Variants in CYP2B6 observed in about 807,000 individuals in gnomAD.
CYP2B6 encodes cytochrome P450 family 2 subfamily B member 6, also known as cytochrome P450 2B6.
CYP2B6 carries 35 observed loss-of-function variants against 43.4 expected under a neutral mutation model. The ratio of observed to expected loss-of-function variants is 0.81; its 90% confidence interval spans 0.62 to 1.07. The LOEUF is 1.07. Ranked by LOEUF, CYP2B6 falls within the 50% of genes least tolerant of loss-of-function variation. CYP2B6 has a pLI of 0.00. For synonymous variants in CYP2B6, 239 were observed against 239.2 expected (o/e 1.00, Z 0.01); for missense variants, 624 against 632.8 (o/e 0.99, Z 0.15).
chr19:41,000,615 A>T (rs1969068974), intron 1 of CYP2B6, among the ~76,000 whole-genome samples: 1 of 152,260 alleles, frequency 6.6e-6, no homozygotes, highest in East Asian at 1.9e-4. Context: ...TCACGCAATC[A>T]TGTGAATCAA....
At chr19:41,012,034 C>T (rs1463305351) in intron 6 of CYP2B6, among the ~76,000 whole-genome samples, 1 of 152,072 alleles carries the variant, frequency 6.6e-6, no homozygotes, top group African/African-American at 2.4e-5. Context: ...CTGCAACCTC[C>T]ACCTCCTGGG....
At chr19:41,011,041 T>C (rs34830389) in intron 6 of CYP2B6, among the ~76,000 whole-genome samples, 1 of 151,852 alleles carries the variant, frequency 6.6e-6, no homozygotes, top group African/African-American at 2.4e-5. Context: ...ATTCATTTAT[T>C]TGGATTACTT....
chr19:40,991,351 T>C lies in CYP2B6; in HGVS notation c.46T>C (p.Leu16=), dbSNP rs34477445. Residue 16 remains leucine (L), a synonymous_variant, in exon 1 of 9, where the codon TTG becomes CTG. Coordinates refer to ENST00000324071, the MANE Select transcript of CYP2B6 (RefSeq NM_000767.5). ...LLFLALLTGL[L]LLLVQRHPNT... is the part of the protein sequence containing the mutation. ...CTTCCTTGCACTCCTCACAGGACTC[T>C]TGCTACTCCTGGTTCAGCGCCACCC... The C allele has an allele frequency of 1.7e-4, 277 of 1,614,076 alleles. No individual in the cohort carries two copies. In the African/African-American group the frequency reaches 3.0e-3, roughly 18 times the overall value.
At position 41,012,343 on chromosome 19, in the gene CYP2B6, C is replaced by T. The variant is rs550123822; in HGVS notation, c.1010C>T (p.Pro337Leu). The change falls in exon 7 of 9, where the codon CCT becomes CTT. Residue 337 changes from proline to leucine, a missense_variant. Transcript: ENST00000324071. ...GAACAGGTGATTGGCCCACATCGCC[C>T]TCCAGAGCTTCATGACCGAGCCAAA... ...EIEQVIGPHR[P>L]PELHDRAKMP... 4.2e-5 allele frequency: 68 copies of T among 1,614,148 alleles called. No homozygotes were observed. In the South Asian group the frequency reaches 6.9e-4, roughly 16 times the overall value.
At chr19:41,009,886 G>C (rs1250216798) in intron 5 of CYP2B6, 108 bp from the exon 6 acceptor site, 1 of 1,334,866 alleles carries the variant, frequency 7.5e-7, no homozygotes, top group African/African-American at 1.4e-5. Context: ...GGGCCAGATA[G>C]TGTCAAAGAC....
intron 1 of CYP2B6, among the ~76,000 whole-genome samples, chr19:40,992,216 A>AG (rs1288846379): frequency 6.6e-6 from 1 of 151,460 alleles, no homozygotes; most frequent in Non-Finnish European, 1.5e-5. Flanking sequence ...AAAAAAAAAA[A>AG]AAAAAGAATA....
Position 41,012,668 on chromosome 19 carries a change from C to A in CYP2B6, c.1153-6C>A. ...AATATCTTTTGATCTTGTGATCCTC[C>A]CTCAGGACACAGAAGTATTTCTCAT... On this transcript the variant is annotated splice_polypyrimidine_tract_variant and splice_region_variant and intron_variant, in intron 7 of 8. Transcript: ENST00000324071. 1 of 1,613,472 alleles carries A rather than the reference C, an allele frequency of 6.2e-7. No individual in the cohort carries two copies. Among genetic ancestry groups the A allele is most frequent in the Non-Finnish European group, 8.5e-7 (1 of 1,179,932 alleles).
chr19:41,006,425 T>A lies in CYP2B6; in HGVS notation c.485-480T>A, dbSNP rs377491700. Among the ~76,000 whole-genome samples the A allele has an allele frequency of 7.3e-4, 106 of 145,178 alleles. 1 individual carries two copies. In the East Asian group the frequency reaches 0.02, roughly 27 times the overall value. On this transcript the variant is annotated intron_variant, in intron 3 of 8. Transcript: ENST00000324071. Reference sequence around the variant, plus strand: ...TGAATCAGGCTCCCGAAGTGCTGGGTTTAGAGGTATGGGCCCCTGTGCCCA... The same window carrying A: ...TGAATCAGGCTCCCGAAGTGCTGGGATTAGAGGTATGGGCCCCTGTGCCCA...
intron 7 of CYP2B6, 34 bp downstream of exon 7, chr19:41,012,519 T>C (rs1388657233): frequency 6.2e-7 from 1 of 1,613,204 alleles, no homozygotes; most frequent in South Asian, 1.1e-5. Context: ...GCCCTCCTGT[T>C]TGGGCATCCT....
Position 41,004,224 on chromosome 19 carries a change from A to T in CYP2B6, c.334+61A>T, listed in dbSNP as rs565806802. On this transcript the variant is annotated intron_variant, in intron 2 of 8. Transcript: ENST00000324071. ...GGGGGTGCATCAGGGAAGGGAGTAT[A>T]TGGGAGGAAGAAGGACTCAGAGCCT... The T allele has an allele frequency of 1.1e-3, 1,756 of 1,612,496 alleles. 5 individuals carry two copies. The highest frequency in any genetic ancestry group is 8.2e-4 in the Non-Finnish European group (972 of 1,178,862).
At chr19:41,009,888 G>T in intron 5 of CYP2B6, 106 bp from the exon 6 acceptor site, 1 of 1,391,616 alleles carries the variant, frequency 7.2e-7, no homozygotes, top group Non-Finnish European at 1.0e-6. Flanking sequence ...GCCAGATAGT[G>T]TCAAAGACCT....
chr19:41,002,983 A>G (rs1009951265), intron 1 of CYP2B6, among the ~76,000 whole-genome samples: 5 of 152,140 alleles, frequency 3.3e-5, no homozygotes, highest in African/African-American at 1.2e-4. Context: ...TTGTTGCTGT[A>G]TACTAGTCTA....
At chr19:41,000,960 A>G (rs1190009372) in intron 1 of CYP2B6, among the ~76,000 whole-genome samples, 2 of 151,930 alleles carry the variant, frequency 1.3e-5, no homozygotes, top group Non-Finnish European at 2.9e-5. Context: ...AATTGCTTGA[A>G]CCCAGGAGGC....
In CYP2B6 at chr19:41,016,887, G is replaced by A; in HGVS notation, c.*60G>A. The A allele has an allele frequency of 6.4e-7, 1 of 1,567,150 alleles. No individual in the cohort carries two copies. Among genetic ancestry groups the A allele is most frequent in the Non-Finnish European group, 8.7e-7 (1 of 1,150,372 alleles). On this transcript the variant is annotated 3_prime_UTR_variant, in exon 9 of 9. Transcript: ENST00000324071. ...GTCATTCAGTGTCCCCGCCTCTGTA[G>A]ACAATGGCTCTGACTCCCCGCAACT...
Position 41,009,289 on chromosome 19 carries a change from A to G in CYP2B6, c.716A>G (p.Gln239Arg), listed in dbSNP as rs1238853060. ...CACAGGCAAGTTTACAAAAACCTGC[A>G]GGAAATCAATGCTTACATTGGCCAC... is the stretch of plus-strand genomic sequence containing the variant. ...GAHRQVYKNLQEINAYIGHSV... is the reference protein window; with the variant it reads ...GAHRQVYKNLREINAYIGHSV... Residue 239 changes from glutamine to arginine, a missense_variant, in exon 5 of 9, where the codon CAG (glutamine) becomes CGG (arginine). Gln to Arg is a conservative substitution (Grantham distance 43). Coordinates refer to ENST00000324071, the MANE Select transcript of CYP2B6 (RefSeq NM_000767.5). 6.2e-7 allele frequency: 1 copy of G among 1,613,240 alleles called. No individual in the cohort carries two copies. Among genetic ancestry groups the G allele is most frequent in the East Asian group, 2.2e-5 (1 of 44,872 alleles).
Position 40,991,424 on chromosome 19 carries a change from T to C in CYP2B6, c.119T>C (p.Leu40Ser), listed in dbSNP as rs1317585439. 3 of 1,614,020 alleles carry C rather than the reference T, an allele frequency of 1.9e-6. No homozygotes were observed. The Admixed American group carries it at 5.0e-5, about 27-fold the overall frequency. The change falls in exon 1 of 9, where the codon TTG becomes TCG. Residue 40 changes from leucine to serine, a missense_variant. Physicochemically the swap from Leu to Ser is moderately radical, Grantham distance 145. Transcript: ENST00000324071. ...LPPGPRPLPL[L>S]GNLLQMDRRG... Reference sequence around the variant, plus strand: ...CCAGGGCCCCGCCCTCTGCCCCTTTTGGGAAACCTTCTGCAGATGGATAGA... The same window carrying C: ...CCAGGGCCCCGCCCTCTGCCCCTTTCGGGAAACCTTCTGCAGATGGATAGA...
intron 3 of CYP2B6, 93 bp downstream of exon 3, chr19:41,004,539 CACAG>C: frequency 6.9e-7 from 1 of 1,454,232 alleles, no homozygotes; most frequent in South Asian, 1.2e-5. Flanking sequence ...TATATAAGGG[CACAG>C]ACAGAGACAG....
rs568870601 is a variant in CYP2B6, at chr19:41,017,743, C to T, written c.*916C>T. ...ACAAAACCCATACCTATCAAGCTGT[C>T]ACTCCCCATACCCCATTCTCTTTTT... On this transcript the variant is annotated 3_prime_UTR_variant, in exon 9 of 9. Coordinates refer to ENST00000324071, the MANE Select transcript of CYP2B6 (RefSeq NM_000767.5). 1 of 152,274 alleles carries T rather than the reference C, an allele frequency of 6.6e-6. No homozygotes were observed. Among genetic ancestry groups the T allele is most frequent in the South Asian group, 2.1e-4 (1 of 4,816 alleles). The allele number at this position is 152,274 out of a possible 1,614,324, so 9.4% of individuals were successfully genotyped here.
intron 3 of CYP2B6, among the ~76,000 whole-genome samples, chr19:41,005,607 C>T (rs1460356993): frequency 1.3e-5 from 2 of 151,946 alleles, no homozygotes; most frequent in Non-Finnish European, 2.9e-5. Flanking sequence ...ATGGTGAAAC[C>T]CCATCTGTGC....
Sources: gnomAD v4.1 joint callset for allele counts (sites outside exome capture counted in the v4.1 genomes callset) on GRCh38, gnomAD v4.1.1 for gene constraint, MANE v1.5 for transcripts, NCBI Gene and HGNC (gene_info 2026-07-23, HGNC 2026-07-21) for gene names.